FER: variants seen among roughly 807,000 people sequenced by gnomAD.
FER encodes the protein FER tyrosine kinase.
In FER, 63 loss-of-function variants were observed where a neutral mutation model predicts 111.0. The observed-to-expected ratio is 0.57, with a 90% confidence interval of 0.46 to 0.70. The LOEUF is 0.70. FER is among the 30% of genes least tolerant of loss of function. FER has a pLI of 0.00. For missense variants in FER, 914 were observed against 954.0 expected, an observed-to-expected ratio of 0.96 and a Z score of 0.55; for synonymous variants, 327 against 313.9, an observed-to-expected ratio of 1.04 and a Z score of -0.44.
Position 108,946,232 on chromosome 5 carries a change from A to T in FER, c.1329+10A>T, listed in dbSNP as rs369668836. ...ACTGGGCTCTTCAGCAGTAAGTAGG[A>T]TTAACTCTCTGTGCTACTGAAAATG... On this transcript the variant is annotated intron_variant, in intron 11 of 19. Coordinates refer to ENST00000281092, the MANE Select transcript of FER (RefSeq NM_005246.4). 4.4e-6 allele frequency: 7 copies of T among 1,588,544 alleles called. No homozygotes were observed. Among genetic ancestry groups the T allele is most frequent in the Admixed American group, 3.3e-5 (2 of 59,850 alleles).
Position 109,024,398 on chromosome 5 carries a change from A to G in FER, c.1657-13024A>G, listed in dbSNP as rs116191033. Among the ~76,000 whole-genome samples, 913 of 152,272 alleles carry G rather than the reference A, an allele frequency of 6.0e-3. 9 individuals carry two copies. The highest frequency in any genetic ancestry group is 0.021 in the African/African-American group (879 of 41,554). ...TCTTCATAAGACTACCACCCTATGC[A>G]GAGTGGAATGGAAAGAAAACGAAAG... On this transcript the variant is annotated intron_variant, in intron 13 of 19. Transcript: ENST00000281092.
intron 16 of FER, among the ~76,000 whole-genome samples, chr5:109,057,234 G>A (rs1242366102): frequency 6.6e-6 from 1 of 152,112 alleles, no homozygotes; most frequent in Non-Finnish European, 1.5e-5. Context: ...ATTAGAATAA[G>A]AGCAAATTAA....
chr5:109,063,648 A>G (rs143211881), intron 16 of FER, among the ~76,000 whole-genome samples: 1 of 152,320 alleles, frequency 6.6e-6, no homozygotes, highest in East Asian at 1.9e-4. Context: ...TAATTCTCGA[A>G]TTAATATTTC....
intron 10 of FER, chr5:108,924,523 C>T (rs1753478891): frequency 2.9e-6 from 3 of 1,031,982 alleles, no homozygotes; most frequent in South Asian, 5.1e-5. Flanking sequence ...ACTTCCATGC[C>T]AACAGGGGGA....
chr5:108,770,476 C>T (rs1414125124), intron 2 of FER, among the ~76,000 whole-genome samples: 1 of 151,990 alleles, frequency 6.6e-6, no homozygotes, highest in Non-Finnish European at 1.5e-5. Flanking sequence ...CAAAGATTTC[C>T]TTTTTTCTTT....
chr5:109,109,520 T>C lies in FER; in HGVS notation c.2048+9001T>C, dbSNP rs138859273. 3.1e-3 allele frequency among the ~76,000 whole-genome samples: 468 copies of C among 152,226 alleles called. 1 individual carries two copies. The highest frequency in any genetic ancestry group is 0.011 in the African/African-American group (443 of 41,542). On this transcript the variant is annotated intron_variant, in intron 17 of 19. Coordinates refer to ENST00000281092, the MANE Select transcript of FER (RefSeq NM_005246.4). ...GAGTGAATGAAGTTACTTACTATGC[T>C]TCATTTCTTCCAGTATAAAATCAGG... is the stretch of plus-strand genomic sequence containing the variant.
At chr5:108,887,656 C>T (rs1182875290) in intron 9 of FER, among the ~76,000 whole-genome samples, 9 of 151,576 alleles carry the variant, frequency 5.9e-5, no homozygotes, top group Non-Finnish European at 1.2e-4. Flanking sequence ...ATTTAATATG[C>T]TAAAATTTTG....
intron 1 of FER, among the ~76,000 whole-genome samples, chr5:108,759,291 C>T (rs1023180132): frequency 6.6e-6 from 1 of 152,168 alleles, no homozygotes; most frequent in Non-Finnish European, 1.5e-5. Flanking sequence ...GGCCTTTCCC[C>T]CAGTTTCCAA....
intron 17 of FER, among the ~76,000 whole-genome samples, chr5:109,140,794 C>G (rs1405904991): frequency 6.6e-6 from 1 of 152,076 alleles, no homozygotes; most frequent in Non-Finnish European, 1.5e-5. Context: ...ATATTTAAAT[C>G]ATAATGAATT....
intron 2 of FER, among the ~76,000 whole-genome samples, chr5:108,783,252 A>G (rs1393668101): frequency 1.3e-5 from 2 of 152,154 alleles, no homozygotes; most frequent in East Asian, 1.9e-4. Context: ...TATTGAGCCT[A>G]TCTAGCTTGT....
intron 17 of FER, among the ~76,000 whole-genome samples, chr5:109,170,579 G>C (rs1757003790): frequency 6.6e-6 from 1 of 152,120 alleles, no homozygotes; most frequent in South Asian, 2.1e-4. Context: ...GTTAGGATTA[G>C]GGATAATAGG....
intron 2 of FER, among the ~76,000 whole-genome samples, chr5:108,772,939 A>G (rs1247835156): frequency 3.3e-5 from 5 of 152,236 alleles, no homozygotes; most frequent in Non-Finnish European, 5.9e-5. Context: ...AATGATGTGT[A>G]AGCAAGTACA....
chr5:109,121,285 A>T (rs6882003), intron 17 of FER, among the ~76,000 whole-genome samples: 63,729 of 151,876 alleles, frequency 0.42, 13,605 homozygotes, highest in African/African-American at 0.46. Context: ...CCAAGTTTTC[A>T]GAGGGTTTTT....
chr5:108,767,432 T>C (rs1351441077), intron 1 of FER, among the ~76,000 whole-genome samples: 2 of 152,218 alleles, frequency 1.3e-5, no homozygotes, highest in Non-Finnish European at 2.9e-5. Flanking sequence ...ATTACTACTT[T>C]AGGCTGTAAT....
intron 3 of FER, among the ~76,000 whole-genome samples, chr5:108,822,496 T>A (rs905959842): frequency 1.3e-5 from 2 of 152,162 alleles, no homozygotes. Flanking sequence ...AGTGGACATA[T>A]GCAAAGAGAG....
At chr5:108,832,671 T>A in intron 3 of FER, 99 bp from the exon 4 acceptor site, 1 of 802,076 alleles carries the variant, frequency 1.2e-6, no homozygotes, top group South Asian at 5.5e-5. Flanking sequence ...AATGTAATAA[T>A]TTACATAAAA....
chr5:108,992,674 G>A (rs193175209), intron 13 of FER, among the ~76,000 whole-genome samples: 6,991 of 147,672 alleles, frequency 0.047, 257 homozygotes, highest in South Asian at 0.12. Context: ...CTGGCCTGGC[G>A]GGGGCTGACC....
chr5:108,906,067 G>C (rs146849392), intron 10 of FER, among the ~76,000 whole-genome samples: 248 of 152,266 alleles, frequency 1.6e-3, no homozygotes, highest in African/African-American at 5.6e-3. Context: ...CAGGGTATAA[G>C]CCAAGTTATG....
intron 16 of FER, among the ~76,000 whole-genome samples, chr5:109,067,342 C>T (rs921246127): frequency 1.3e-5 from 2 of 151,970 alleles, no homozygotes; most frequent in Admixed American, 1.3e-4. Context: ...GTCCATGACC[C>T]CTATTCTCCT....
Sources: gnomAD v4.1 joint callset for allele counts (sites outside exome capture counted in the v4.1 genomes callset) on GRCh38, gnomAD v4.1.1 for gene constraint, MANE v1.5 for transcripts, NCBI Gene and HGNC (gene_info 2026-07-23, HGNC 2026-07-21) for gene names.